Variants in KAZN observed in about 807,000 individuals in gnomAD.
The protein encoded by KAZN is kazrin.
KAZN carries 40 observed loss-of-function variants against 87.4 expected under a neutral mutation model. That is an observed-to-expected ratio of 0.46 (90% CI 0.36 to 0.60). The LOEUF is 0.60. KAZN is among the 20% of genes least tolerant of loss of function. KAZN has a pLI of 0.00. For synonymous variants in KAZN, 466 were observed against 458.3 expected (o/e 1.02, Z -0.22); for missense variants, 898 against 1,073.9 (o/e 0.84, Z 2.29).
intron 2 of KAZN, among the ~76,000 whole-genome samples, chr1:14,257,751 C>G (rs957043443): frequency 8.0e-6 from 1 of 125,604 alleles, no homozygotes; most frequent in African/African-American, 3.1e-5. Flanking sequence ...AATGAGATCC[C>G]ATGGACACAG....
chr1:14,815,431 T>A (rs921382793), intron 1 of KAZN, among the ~76,000 whole-genome samples: 4 of 152,110 alleles, frequency 2.6e-5, no homozygotes, highest in Non-Finnish European at 5.9e-5. Flanking sequence ...GTGAACAATG[T>A]TCTTGATAAT....
intron 1 of KAZN, among the ~76,000 whole-genome samples, chr1:14,884,957 C>A (rs913327401): frequency 2.0e-5 from 3 of 152,158 alleles, no homozygotes; most frequent in Non-Finnish European, 4.4e-5. Flanking sequence ...TGGCAGAGAT[C>A]GAGCATCACG....
chr1:14,049,527 C>T (rs889128913), intron 1 of KAZN, among the ~76,000 whole-genome samples: 16 of 152,148 alleles, frequency 1.1e-4, no homozygotes, highest in Non-Finnish European at 2.2e-4. Flanking sequence ...GAACAATTTT[C>T]TACCTTCTCA....
intron 2 of KAZN, among the ~76,000 whole-genome samples, chr1:14,427,748 C>A (rs1665822011): frequency 6.6e-6 from 1 of 152,160 alleles, no homozygotes; most frequent in Non-Finnish European, 1.5e-5. Flanking sequence ...GCCCACCAAG[C>A]AAGTCCATGC....
intron 2 of KAZN, among the ~76,000 whole-genome samples, chr1:14,231,930 G>A (rs1647894352): frequency 6.6e-6 from 1 of 152,154 alleles, no homozygotes; most frequent in South Asian, 2.1e-4. Flanking sequence ...CTTCAGTACT[G>A]GTCCCAAGGT....
chr1:14,273,622 G>T (rs1652121752), intron 2 of KAZN, among the ~76,000 whole-genome samples: 1 of 152,066 alleles, frequency 6.6e-6, no homozygotes, highest in South Asian at 2.1e-4. Context: ...ATACAGAAAG[G>T]CAAAAATAAT....
At chr1:14,018,236 G>C (rs915950124) in intron 1 of KAZN, among the ~76,000 whole-genome samples, 2 of 152,092 alleles carry the variant, frequency 1.3e-5, no homozygotes, top group African/African-American at 4.8e-5. Flanking sequence ...AGTTTTTCTA[G>C]TGCTTATCTT....
intron 1 of KAZN, among the ~76,000 whole-genome samples, chr1:14,789,033 C>A (rs1389383250): frequency 6.6e-6 from 1 of 152,198 alleles, no homozygotes; most frequent in East Asian, 1.9e-4. Flanking sequence ...TCTTTTCTAG[C>A]AGAGTCCTGA....
intron 1 of KAZN, among the ~76,000 whole-genome samples, chr1:14,029,891 T>G (rs953664876): frequency 1.3e-5 from 2 of 152,200 alleles, no homozygotes; most frequent in African/African-American, 4.8e-5. Context: ...TGTAGTATAG[T>G]TTGAAGTCAG....
chr1:14,828,097 G>A (rs78336569), intron 1 of KAZN, among the ~76,000 whole-genome samples: 3,558 of 152,272 alleles, frequency 0.023, 62 homozygotes, highest in Middle Eastern at 0.051. Flanking sequence ...ATCAATCACC[G>A]AATTCTCTAT....
At chr1:13,974,404 G>T (rs984227666) in intron 1 of KAZN, among the ~76,000 whole-genome samples, 5 of 152,176 alleles carry the variant, frequency 3.3e-5, no homozygotes, top group Non-Finnish European at 7.3e-5. Context: ...TGCCCACATC[G>T]AATTCTCAGA....
chr1:14,469,472 G>A (rs775270836), intron 2 of KAZN, among the ~76,000 whole-genome samples: 3 of 152,264 alleles, frequency 2.0e-5, no homozygotes, highest in South Asian at 2.1e-4. Context: ...AAAATGAAAC[G>A]GAAGGTTATT....
chr1:14,806,729 C>T (rs2100765764), intron 1 of KAZN, among the ~76,000 whole-genome samples: 1 of 152,310 alleles, frequency 6.6e-6, no homozygotes, highest in African/African-American at 2.4e-5. Flanking sequence ...TAATCTTGAG[C>T]TACTGTCAGG....
chr1:14,573,971 T>C (rs1287768260), intron 2 of KAZN, among the ~76,000 whole-genome samples: 2 of 152,170 alleles, frequency 1.3e-5, no homozygotes, highest in East Asian at 3.9e-4. Context: ...AGTCCAACCA[T>C]TCCTATTGAT....
chr1:14,542,767 G>A (rs1672890700), intron 2 of KAZN, among the ~76,000 whole-genome samples: 1 of 152,190 alleles, frequency 6.6e-6, no homozygotes, highest in Non-Finnish European at 1.5e-5. Flanking sequence ...GAAGCTATTT[G>A]TCTTTACCTC....
chr1:14,467,970 G>T (rs1003173281), intron 2 of KAZN, among the ~76,000 whole-genome samples: 27 of 152,124 alleles, frequency 1.8e-4, no homozygotes, highest in African/African-American at 6.3e-4. Context: ...CATAAATCAC[G>T]TGCTCTTCTC....
At chr1:14,041,841 G>T (rs1364325290) in intron 1 of KAZN, among the ~76,000 whole-genome samples, 1 of 152,194 alleles carries the variant, frequency 6.6e-6, no homozygotes, top group Admixed American at 6.5e-5. Flanking sequence ...CACCCCAATG[G>T]ATAGTTTGGC....
chr1:14,078,146 A>G (rs1381146024), intron 1 of KAZN, among the ~76,000 whole-genome samples: 1 of 152,210 alleles, frequency 6.6e-6, no homozygotes, highest in Non-Finnish European at 1.5e-5. Context: ...CATGTGGTTT[A>G]GCAATCAAAT....
At chr1:14,883,470 G>C (rs1653708455) in intron 1 of KAZN, among the ~76,000 whole-genome samples, 1 of 147,502 alleles carries the variant, frequency 6.8e-6, no homozygotes, top group African/African-American at 2.7e-5. Context: ...GGCTTTCTTA[G>C]GACTGGATGG....
Sources: allele counts gnomAD v4.1 joint callset (sites outside exome capture counted in the v4.1 genomes callset), GRCh38; gene constraint gnomAD v4.1.1; transcripts MANE v1.5; gene names NCBI Gene and HGNC (gene_info 2026-07-23, HGNC 2026-07-21).